SNF8: variants seen among roughly 807,000 people sequenced by gnomAD.
SNF8 encodes the protein SNF8 subunit of ESCRT-II.
A neutral mutation model predicts 36.8 loss-of-function variants in SNF8; 19 were observed. The ratio of observed to expected loss-of-function variants is 0.52; its 90% CI spans 0.36 to 0.76. SNF8 has a LOEUF of 0.76. Among genes scored for constraint, SNF8 ranks in the 30% least tolerant of loss-of-function variants. SNF8 has a pLI of 0.00. For synonymous variants in SNF8, 127 were observed against 127.4 expected (o/e 1.00, Z 0.02); for missense variants, 268 against 322.9 (o/e 0.83, Z 1.30).
chr17:48,936,693 GACT>G (rs1365578417), intron 4 of SNF8: 2 of 402,514 alleles, frequency 5.0e-6, no homozygotes, highest in African/African-American at 4.0e-5. Context: ...GACAGTGCAG[GACT>G]ATAGTTACTA....
At chr17:48,933,961 G>C (rs764355315) in intron 5 of SNF8, among the ~76,000 whole-genome samples, 22 of 152,184 alleles carry the variant, frequency 1.4e-4, no homozygotes, top group Non-Finnish European at 2.4e-4. Context: ...GTCACCTGTG[G>C]CAAACTAGAG....
Position 48,943,373 on chromosome 17 carries a change from A to G in SNF8, c.105+552T>C, listed in dbSNP as rs190846057. Among the ~76,000 whole-genome samples the G allele has an allele frequency of 1.1e-3, 165 of 152,268 alleles. 2 individuals carry two copies. The highest frequency in any genetic ancestry group is 0.01 in the Middle Eastern group (3 of 294). On this transcript the variant is annotated intron_variant, in intron 2 of 7. Coordinates refer to ENST00000502492, the MANE Select transcript of SNF8 (RefSeq NM_007241.4). ...CGCCTTTAATTCCAGCACTCTGGGA[A>G]GCCAAGGTGGGCGGATCACGAGGTC... is the stretch of plus-strand genomic sequence containing the variant.
Position 48,931,723 on chromosome 17 carries a change from G to C in SNF8, c.565-6C>G, listed in dbSNP as rs1221427352. 1 of 1,611,432 alleles carries C rather than the reference G, an allele frequency of 6.2e-7. No individual in the cohort carries two copies. The highest frequency in any genetic ancestry group is 8.5e-7 in the Non-Finnish European group (1 of 1,178,316). On this transcript the variant is annotated splice_region_variant and splice_polypyrimidine_tract_variant and intron_variant, in intron 6 of 7. Transcript: ENST00000502492. ...ACAGTCACGTAGCCATTCTTCTGAA[G>C]GAAGGAGGAATGGGGATTGAATCAG... is the stretch of plus-strand genomic sequence containing the variant.
chr17:48,941,140 G>A, intron 2 of SNF8, 78 bp from the exon 3 acceptor site: 2 of 1,538,272 alleles, frequency 1.3e-6, no homozygotes, highest in South Asian at 2.3e-5. Flanking sequence ...CCCCAGCCCT[G>A]TGGCAGGGCA....
At chr17:48,940,758 CCA>C (rs1305402360) in intron 3 of SNF8, among the ~76,000 whole-genome samples, 164 bp downstream of exon 3, 3 of 152,134 alleles carry the variant, frequency 2.0e-5, no homozygotes, top group Non-Finnish European at 4.4e-5. Context: ...CCACTGCACT[CCA>C]GCCTGGGCGA....
intron 4 of SNF8, 113 bp from the exon 5 acceptor site, chr17:48,936,355 ATT>A (rs3215074): frequency 3.2e-5 from 22 of 689,714 alleles, no homozygotes; most frequent in East Asian, 1.7e-4. Flanking sequence ...CTAGTTCCTA[ATT>A]TTTTTTTAAC....
At chr17:48,931,777 G>T in intron 6 of SNF8, 60 bp from the exon 7 acceptor site, 1 of 1,362,816 alleles carries the variant, frequency 7.3e-7, no homozygotes, top group Non-Finnish European at 1.0e-6. Flanking sequence ...TTAGAACCCA[G>T]GATCTGCCCA....
At position 48,944,776 on chromosome 17, in the gene SNF8, G is replaced by A. The variant is rs373186869; in HGVS notation, c.-42C>T. 1.8e-4 allele frequency: 291 copies of A among 1,573,724 alleles called. No homozygotes were observed. The highest frequency in any genetic ancestry group is 2.3e-4 in the Non-Finnish European group (269 of 1,166,448). On this transcript the variant is annotated 5_prime_UTR_variant, in exon 1 of 8. Transcript: ENST00000502492. ...CGGGCCGCCCGGCTGCCGGGACCCC[G>A]GGTCTCCACGTCCCGGACTCCGCCG...
In SNF8 at chr17:48,931,612, G is replaced by T. The variant is rs368306584; in HGVS notation, c.639+31C>A. On this transcript the variant is annotated intron_variant, in intron 7 of 7. Coordinates refer to ENST00000502492, the MANE Select transcript of SNF8 (RefSeq NM_007241.4). ...ACATCCTCCCAACTGGGGCCTGCCT[G>T]TCTTTTCTGGACTGTTCCAAAGTTG... The T allele has an allele frequency of 1.2e-5, 19 of 1,583,988 alleles. No individual in the cohort carries two copies. In the South Asian group the frequency reaches 1.6e-4, roughly 13 times the overall value.
chr17:48,932,331 T>C (rs1237522558), intron 6 of SNF8: 1 of 152,098 alleles, frequency 6.6e-6, no homozygotes, highest in African/African-American at 2.4e-5. Flanking sequence ...TGGGAAGAAA[T>C]GATGATAATC....
chr17:48,944,301 C>CA (rs921706868), intron 1 of SNF8, among the ~76,000 whole-genome samples: 68 of 151,980 alleles, frequency 4.5e-4, no homozygotes, highest in African/African-American at 1.6e-3. Flanking sequence ...GACTCTGTCT[C>CA]AAAAAACAAA....
chr17:48,938,253 T>G (rs925119888), intron 3 of SNF8, among the ~76,000 whole-genome samples: 1 of 151,866 alleles, frequency 6.6e-6, no homozygotes, highest in African/African-American at 2.4e-5. Context: ...TCCCAGCACT[T>G]TGGGAGGCAG....
intron 2 of SNF8, 140 bp downstream of exon 2, chr17:48,943,785 A>C (rs550120203): frequency 2.8e-6 from 2 of 722,648 alleles, no homozygotes; most frequent in South Asian, 3.0e-5. Context: ...GTCACCTAAA[A>C]GATCTCAGCG....
At chr17:48,936,658 A>G in intron 4 of SNF8, 1 of 334,758 alleles carries the variant, frequency 3.0e-6, no homozygotes, top group South Asian at 3.8e-5. Context: ...ACACAGACTC[A>G]GTTGGCATTC....
At chr17:48,936,004 C>G in intron 5 of SNF8, 166 bp downstream of exon 5, 1 of 551,166 alleles carries the variant, frequency 1.8e-6, no homozygotes, top group Non-Finnish European at 3.2e-6. Context: ...AAGTGAGACC[C>G]TATCTCTTAT....
At chr17:48,941,606 G>A (rs1338553866) in intron 2 of SNF8, among the ~76,000 whole-genome samples, 2 of 152,106 alleles carry the variant, frequency 1.3e-5, no homozygotes, top group Non-Finnish European at 2.9e-5. Context: ...GCTCACACCT[G>A]TAATCCCACA....
chr17:48,942,158 T>C (rs1567789938), intron 2 of SNF8, among the ~76,000 whole-genome samples: 1 of 152,102 alleles, frequency 6.6e-6, no homozygotes, highest in Non-Finnish European at 1.5e-5. Flanking sequence ...GTATTACCCC[T>C]TCTCTTTTCC....
Position 48,936,228 on chromosome 17 carries a change from C to T in SNF8, c.364G>A (p.Glu122Lys). The change falls in exon 5 of 8, where the codon GAG (glutamate) becomes AAG (lysine). Residue 122 changes from glutamate (E) to lysine (K), a missense_variant. Coordinates refer to ENST00000502492, the MANE Select transcript of SNF8 (RefSeq NM_007241.4). ...TTCAACACCTGTTGATGTAGTTCCT[C>T]CAAAGTTATCAGACCTGTTTGGAGA... is the stretch of plus-strand genomic sequence containing the variant. ...KHRNGGLITL[E>K]ELHQQVLKGR... 1 of 1,613,842 alleles carries T rather than the reference C, an allele frequency of 6.2e-7. No individual in the cohort carries two copies. The highest frequency in any genetic ancestry group is 8.5e-7 in the Non-Finnish European group (1 of 1,179,820).
At chr17:48,943,219 C>G (rs1020700388) in intron 2 of SNF8, among the ~76,000 whole-genome samples, 1 of 151,712 alleles carries the variant, frequency 6.6e-6, no homozygotes, top group Admixed American at 6.6e-5. Context: ...CCTGTAGTCC[C>G]AGCACTCTGG....
Sources: allele counts gnomAD v4.1 joint callset (sites outside exome capture counted in the v4.1 genomes callset), GRCh38; gene constraint gnomAD v4.1.1; transcripts MANE v1.5; gene names NCBI Gene and HGNC (gene_info 2026-07-23, HGNC 2026-07-21).